The following HDAC9 variants were observed in gnomAD, a reference collection of about 807,000 sequenced individuals.
The protein encoded by HDAC9 is histone deacetylase 9, also known as MEF-2 interacting transcription repressor (MITR) protein.
HDAC9 carries 41 observed loss-of-function variants against 139.4 expected under a neutral mutation model. That is an observed-to-expected ratio of 0.29 (90% confidence interval 0.23 to 0.38). The LOEUF (loss-of-function observed/expected upper bound fraction) is 0.38, where lower values mean the gene tolerates loss of function less well. Among genes scored for constraint, HDAC9 ranks in the 10% least tolerant of loss-of-function variants. The pLI, the probability that HDAC9 is intolerant of heterozygous loss-of-function variation, is 1.00. For missense variants in HDAC9, 1,147 were observed against 1,297.0 expected (o/e 0.88, Z 1.78); for synonymous variants, 517 against 476.2 (o/e 1.09, Z -1.12).
chr7:18,430,526 A>G (rs1264060894), intron 1 of HDAC9: 12 of 151,984 alleles, frequency 7.9e-5, no homozygotes, highest in Non-Finnish European at 1.8e-4. Flanking sequence ...TCCTCACCTC[A>G]AATTCTAAAT....
chr7:18,836,202 TCC>T, intron 21 of HDAC9, among the ~76,000 whole-genome samples: 1 of 152,096 alleles, frequency 6.6e-6, no homozygotes, highest in South Asian at 2.1e-4. Flanking sequence ...TTTTCCCCCT[TCC>T]CTCCCAAATA....
At chr7:18,733,035 A>G (rs1460732413) in intron 13 of HDAC9, among the ~76,000 whole-genome samples, 1 of 146,200 alleles carries the variant, frequency 6.8e-6, no homozygotes, top group African/African-American at 2.5e-5. Flanking sequence ...ATGTATATAT[A>G]CAGATATACA....
intron 22 of HDAC9, chr7:18,892,024 C>T (rs750502641): frequency 3.3e-5 from 5 of 152,106 alleles, no homozygotes; most frequent in Admixed American, 6.6e-5. Context: ...CCACTTATTT[C>T]CAAGCTCTGA....
chr7:18,826,767 T>C (rs984727992), intron 17 of HDAC9, among the ~76,000 whole-genome samples: 2 of 151,686 alleles, frequency 1.3e-5, no homozygotes, highest in East Asian at 3.9e-4. Flanking sequence ...TCTTCCATAA[T>C]GCTTTCTAAA....
At chr7:18,985,731 G>T (rs914135372) in intron 25 of HDAC9, among the ~76,000 whole-genome samples, 5 of 143,980 alleles carry the variant, frequency 3.5e-5, no homozygotes, top group Non-Finnish European at 7.4e-5. Context: ...TCCAGCACCT[G>T]TTGTTTCCTG....
At chr7:18,760,947 G>C (rs374132638) in intron 14 of HDAC9, among the ~76,000 whole-genome samples, 4 of 152,336 alleles carry the variant, frequency 2.6e-5, no homozygotes, top group South Asian at 2.1e-4. Context: ...TCCTGAGAGA[G>C]GTGTTGTCAC....
intron 17 of HDAC9, among the ~76,000 whole-genome samples, chr7:18,822,959 A>G (rs1368159371): frequency 1.3e-5 from 2 of 152,244 alleles, no homozygotes; most frequent in African/African-American, 4.8e-5. Context: ...CTGCTATAAC[A>G]TTATGATATA....
chr7:18,223,274 TATG>T (rs1300828271), intron 2 of HDAC9, among the ~76,000 whole-genome samples: 2 of 152,138 alleles, frequency 1.3e-5, no homozygotes, highest in Non-Finnish European at 1.5e-5. Context: ...TTTTACCTCT[TATG>T]ATGATATTTG....
chr7:18,922,743 G>T (rs1192286528), intron 22 of HDAC9, among the ~76,000 whole-genome samples: 1 of 152,104 alleles, frequency 6.6e-6, no homozygotes, highest in Admixed American at 6.6e-5. Context: ...ACCTGAGTTA[G>T]ATTTAGTTAC....
intron 2 of HDAC9, among the ~76,000 whole-genome samples, chr7:18,504,329 A>G (rs575843437): frequency 5.9e-5 from 9 of 152,242 alleles, no homozygotes; most frequent in African/African-American, 2.2e-4. Flanking sequence ...TTTTTGAGAC[A>G]AAGTCTCACT....
intron 16 of HDAC9, among the ~76,000 whole-genome samples, chr7:18,781,277 A>G (rs1791227297): frequency 6.6e-6 from 1 of 152,048 alleles, no homozygotes; most frequent in East Asian, 1.9e-4. Context: ...CTGAGGAAAC[A>G]CAATTCAGTC....
intron 12 of HDAC9, among the ~76,000 whole-genome samples, chr7:18,693,464 A>G (rs1782813105): frequency 6.6e-6 from 1 of 152,214 alleles, no homozygotes; most frequent in Non-Finnish European, 1.5e-5. Flanking sequence ...TTAACTAAAT[A>G]TTCAATATGA....
At chr7:18,150,578 A>G (rs933040491) in intron 1 of HDAC9, among the ~76,000 whole-genome samples, 1 of 152,154 alleles carries the variant, frequency 6.6e-6, no homozygotes, top group Non-Finnish European at 1.5e-5. Context: ...CATATTTTCT[A>G]TTGTAAGGCT....
intron 24 of HDAC9, among the ~76,000 whole-genome samples, chr7:18,971,113 A>G (rs1255318986): frequency 6.6e-6 from 1 of 152,170 alleles, no homozygotes; most frequent in Admixed American, 6.5e-5. Flanking sequence ...CCTCACCTCT[A>G]ACTCTTGACT....
intron 22 of HDAC9, among the ~76,000 whole-genome samples, chr7:18,890,878 C>G (rs1800620721): frequency 6.6e-6 from 1 of 152,112 alleles, no homozygotes; most frequent in African/African-American, 2.4e-5. Context: ...GATGAAAAGA[C>G]AAAGGTAAGC....
intron 1 of HDAC9, among the ~76,000 whole-genome samples, chr7:18,400,349 A>T (rs1787424652): frequency 6.6e-6 from 1 of 152,226 alleles, no homozygotes; most frequent in Non-Finnish European, 1.5e-5. Context: ...CAACAGCTGT[A>T]TCAATGATTT....
intron 25 of HDAC9, among the ~76,000 whole-genome samples, chr7:18,988,011 A>C (rs552170913): frequency 5.9e-5 from 9 of 152,302 alleles, no homozygotes; most frequent in African/African-American, 1.9e-4. Flanking sequence ...ATCCTTTCAA[A>C]AAACCAGCTC....
At chr7:18,361,766 A>T (rs772510789) in intron 1 of HDAC9, among the ~76,000 whole-genome samples, 1 of 152,136 alleles carries the variant, frequency 6.6e-6, no homozygotes, top group African/African-American at 2.4e-5. Flanking sequence ...CAAATTGTCC[A>T]TAGTCCACAA....
At chr7:18,466,541 G>A (rs546866922) in intron 1 of HDAC9, among the ~76,000 whole-genome samples, 23 of 152,134 alleles carry the variant, frequency 1.5e-4, no homozygotes, top group Admixed American at 1.1e-3. Context: ...TTGGGTAGAC[G>A]TCCTCTCGTA....
Sources: allele counts gnomAD v4.1 joint callset (sites outside exome capture counted in the v4.1 genomes callset), GRCh38; gene constraint gnomAD v4.1.1; transcripts MANE v1.5; gene names NCBI Gene and HGNC (gene_info 2026-07-23, HGNC 2026-07-21).